PTPRR: variants seen among roughly 807,000 people sequenced by gnomAD.
PTPRR encodes protein tyrosine phosphatase receptor type R, also known as receptor-type tyrosine-protein phosphatase R.
A neutral mutation model predicts 77.2 loss-of-function variants in PTPRR; 38 were observed. That is an observed-to-expected ratio of 0.49 (90% CI 0.38 to 0.65). The LOEUF (loss-of-function observed/expected upper bound fraction) is 0.65. Among genes scored for constraint, PTPRR ranks in the 30% least tolerant of loss-of-function variants. The probability of loss-of-function intolerance (pLI) is 0.00; values close to 1 mark genes in which losing one functional copy is unlikely to be tolerated. For missense variants in PTPRR, 744 were observed against 799.2 expected, an observed-to-expected ratio of 0.93 and a Z score of 0.83; for synonymous variants, 299 against 283.1, an observed-to-expected ratio of 1.06 and a Z score of -0.57.
chr12:70,720,308 T>C (rs1414868996), intron 6 of PTPRR, among the ~76,000 whole-genome samples: 2 of 152,140 alleles, frequency 1.3e-5, no homozygotes, highest in Non-Finnish European at 2.9e-5. Context: ...CTCCGTTTCC[T>C]TATCATTAAA....
At chr12:70,868,566 G>C (rs1210269243) in intron 2 of PTPRR, among the ~76,000 whole-genome samples, 6 of 152,012 alleles carry the variant, frequency 3.9e-5, no homozygotes, top group Admixed American at 1.3e-4. Flanking sequence ...TGGAGAAATG[G>C]GAACACTTTT....
intron 6 of PTPRR, among the ~76,000 whole-genome samples, chr12:70,710,205 C>T (rs567242378): frequency 2.4e-4 from 37 of 152,168 alleles, no homozygotes; most frequent in Middle Eastern, 6.8e-3. Flanking sequence ...AAAACAGACA[C>T]GGAGACCAAT....
At chr12:70,752,174 C>T (rs772663733) in intron 5 of PTPRR, among the ~76,000 whole-genome samples, 2 of 152,106 alleles carry the variant, frequency 1.3e-5, no homozygotes, top group Admixed American at 6.6e-5. Flanking sequence ...GGGATCTTAT[C>T]TGTCTTGTTT....
intron 2 of PTPRR, among the ~76,000 whole-genome samples, chr12:70,770,482 A>G (rs920342643): frequency 6.6e-6 from 1 of 152,172 alleles, no homozygotes; most frequent in African/African-American, 2.4e-5. Context: ...ACCAGTTAGA[A>G]TGGCAATCAT....
At chr12:70,739,887 G>C (rs1407077627) in intron 6 of PTPRR, among the ~76,000 whole-genome samples, 1 of 152,082 alleles carries the variant, frequency 6.6e-6, no homozygotes, top group Non-Finnish European at 1.5e-5. Context: ...CACTCAGAGG[G>C]GGATGGGGAT....
intron 6 of PTPRR, among the ~76,000 whole-genome samples, chr12:70,745,569 A>G (rs1244095535): frequency 6.6e-6 from 1 of 152,134 alleles, no homozygotes; most frequent in East Asian, 1.9e-4. Context: ...GTAGTTGAAG[A>G]TGAACTTTGC....
chr12:70,813,098 T>C (rs1205163546), intron 2 of PTPRR, among the ~76,000 whole-genome samples: 2 of 152,234 alleles, frequency 1.3e-5, no homozygotes, highest in African/African-American at 2.4e-5. Context: ...TTGTATAATA[T>C]GTGATCGCTT....
intron 1 of PTPRR, among the ~76,000 whole-genome samples, chr12:70,900,285 G>A (rs1893508654): frequency 6.6e-6 from 1 of 151,298 alleles, no homozygotes; most frequent in Non-Finnish European, 1.5e-5. Context: ...GTGTAGTGTT[G>A]GCAAAGAAAT....
At chr12:70,896,229 G>A (rs1470641451) in intron 1 of PTPRR, among the ~76,000 whole-genome samples, 1 of 151,440 alleles carries the variant, frequency 6.6e-6, no homozygotes, top group African/African-American at 2.4e-5. Context: ...TAAAATTCAT[G>A]GAGCAAAGCT....
At chr12:70,836,998 A>T in intron 2 of PTPRR, among the ~76,000 whole-genome samples, 1 of 152,234 alleles carries the variant, frequency 6.6e-6, no homozygotes, top group East Asian at 1.9e-4. Context: ...TATCTTATTT[A>T]AAATATTTTG....
chr12:70,813,941 C>T (rs867192993), intron 2 of PTPRR, among the ~76,000 whole-genome samples: 13 of 152,182 alleles, frequency 8.5e-5, no homozygotes, highest in Non-Finnish European at 7.4e-5. Flanking sequence ...GAAAAGAACA[C>T]GGGGAATAGT....
chr12:70,798,052 C>T (rs541151252), intron 2 of PTPRR, among the ~76,000 whole-genome samples: 1 of 152,144 alleles, frequency 6.6e-6, no homozygotes, highest in Non-Finnish European at 1.5e-5. Context: ...ATTGAGATGT[C>T]TGAAAGGAAT....
intron 2 of PTPRR, among the ~76,000 whole-genome samples, chr12:70,782,648 T>G (rs1286812990): frequency 1.3e-5 from 2 of 149,134 alleles, no homozygotes; most frequent in East Asian, 2.0e-4. Flanking sequence ...TGAGAACACT[T>G]GGACACAGGA....
chr12:70,825,451 A>G (rs993328304), intron 2 of PTPRR, among the ~76,000 whole-genome samples: 1 of 152,078 alleles, frequency 6.6e-6, no homozygotes, highest in Non-Finnish European at 1.5e-5. Context: ...TCCAAATCCA[A>G]ACACATACCT....
At chr12:70,763,150 T>C (rs1208856630) in intron 3 of PTPRR, among the ~76,000 whole-genome samples, 2 of 151,820 alleles carry the variant, frequency 1.3e-5, no homozygotes, top group Admixed American at 1.3e-4. Flanking sequence ...TTTTTTGAGA[T>C]GGAGTTTCGC....
At chr12:70,881,250 A>G (rs1893144545) in intron 2 of PTPRR, among the ~76,000 whole-genome samples, 1 of 152,230 alleles carries the variant, frequency 6.6e-6, no homozygotes, top group African/African-American at 2.4e-5. Context: ...TAAATAATGC[A>G]GCTTCACTAG....
intron 2 of PTPRR, among the ~76,000 whole-genome samples, chr12:70,869,694 C>G (rs115410241): frequency 6.6e-6 from 1 of 151,934 alleles, no homozygotes; most frequent in Non-Finnish European, 1.5e-5. Flanking sequence ...GATATGATGG[C>G]TGATGAAGAG....
At chr12:70,795,827 C>T (rs1891500361) in intron 2 of PTPRR, among the ~76,000 whole-genome samples, 1 of 146,546 alleles carries the variant, frequency 6.8e-6, no homozygotes, top group Admixed American at 6.9e-5. Context: ...TGCTCACTGT[C>T]ATGTGTTTTG....
chr12:70,718,374 T>A (rs1364693778), intron 6 of PTPRR, among the ~76,000 whole-genome samples: 1 of 152,156 alleles, frequency 6.6e-6, no homozygotes, highest in East Asian at 1.9e-4. Context: ...CAAGCGATTC[T>A]CCTGCCTCAG....
Sources: allele counts gnomAD v4.1 joint callset (sites outside exome capture counted in the v4.1 genomes callset), GRCh38; gene constraint gnomAD v4.1.1; transcripts MANE v1.5; gene names NCBI Gene and HGNC (gene_info 2026-07-23, HGNC 2026-07-21).